SDF4: variants seen among roughly 807,000 people sequenced by gnomAD.
The protein encoded by SDF4 is stromal cell derived factor 4, also known as 45 kDa calcium-binding protein.
A neutral mutation model predicts 34.2 loss-of-function variants in SDF4; 22 were observed. The ratio of observed to expected loss-of-function variants is 0.64; its 90% CI spans 0.46 to 0.92. The LOEUF (loss-of-function observed/expected upper bound fraction) is 0.92, where lower values mean the gene tolerates loss of function less well. Among genes scored for constraint, SDF4 ranks in the 40% least tolerant of loss-of-function variants. The pLI is 0.00. For missense variants in SDF4, 447 were observed against 499.9 expected, an observed-to-expected ratio of 0.89 and a Z score of 1.01; for synonymous variants, 236 against 203.1, an observed-to-expected ratio of 1.16 and a Z score of -1.38.
Position 1,228,164 on chromosome 1 carries a change from G to A in SDF4, c.305+304C>T, listed in dbSNP as rs141248892. On this transcript the variant is annotated intron_variant, in intron 2 of 6. Coordinates refer to ENST00000360001, the MANE Select transcript of SDF4 (RefSeq NM_016176.6). Reference sequence around the variant, plus strand: ...CCGGCGTCTGCCCCTCAGCATGGAGGACGCTGACCACTGCAGTGCCGCGTG... The same window carrying A: ...CCGGCGTCTGCCCCTCAGCATGGAGAACGCTGACCACTGCAGTGCCGCGTG... Among the ~76,000 whole-genome samples the A allele has an allele frequency of 3.7e-3, 557 of 152,360 alleles. 1 individual carries two copies. Among genetic ancestry groups the A allele is most frequent in the Non-Finnish European group, 6.1e-3 (416 of 68,024 alleles).
At chr1:1,219,308 C>T (rs1284618602) in intron 4 of SDF4, 17 of 1,157,638 alleles carry the variant, frequency 1.5e-5, no homozygotes, top group South Asian at 1.7e-5. Context: ...GCCCAGACCT[C>T]TCAAGACATG....
At chr1:1,221,610 C>T (rs1208816693) in intron 4 of SDF4, among the ~76,000 whole-genome samples, 2 of 151,666 alleles carry the variant, frequency 1.3e-5, no homozygotes, top group African/African-American at 4.8e-5. Flanking sequence ...TGCACTCCAG[C>T]CTGGGCAACA....
intron 2 of SDF4, 114 bp downstream of exon 2, chr1:1,228,354 C>T: frequency 8.3e-7 from 1 of 1,205,246 alleles, no homozygotes; most frequent in Non-Finnish European, 1.1e-6. Flanking sequence ...GTCTTCCCAG[C>T]CCGGCAGGTC....
At position 1,229,078 on chromosome 1, in the gene SDF4, C is replaced by T. The variant is rs921234386; in HGVS notation, c.-174-132G>A. On this transcript the variant is annotated intron_variant, in intron 1 of 6. Coordinates refer to ENST00000360001, the MANE Select transcript of SDF4 (RefSeq NM_016176.6). ...GTGGCATCGCCTTCTCCAGACCACA[C>T]GTGGCACTGCCTTCTCCAGACCACA... The T allele has an allele frequency of 2.1e-4, 83 of 399,506 alleles. 1 individual carries two copies. Among genetic ancestry groups the T allele is most frequent in the Non-Finnish European group, 3.0e-4 (69 of 229,584 alleles). The allele number at this position is 399,506 out of a possible 1,614,324, so 24.7% of individuals were successfully genotyped here.
In SDF4 at chr1:1,223,286, CG is replaced by C. The variant is rs751174369; in HGVS notation, c.513del (p.Asp172ThrfsTer22). On this transcript the variant is annotated frameshift_variant, in exon 4 of 7. Coordinates refer to ENST00000360001, the MANE Select transcript of SDF4 (RefSeq NM_016176.6). LOFTEE classifies it high-confidence loss of function. ...ASKGHSEKEV[A>X]DAIRLNEELK... ...AGTTCCTCGTTGAGCCTGATGGCGT[CG>C]GCAACCTCCTTCTCGCTATGGCCTT... 6.2e-7 allele frequency: 1 copy of C among 1,614,114 alleles called. No homozygotes were observed. The highest frequency in any genetic ancestry group is 8.5e-7 in the Non-Finnish European group (1 of 1,180,014).
At chr1:1,220,899 G>A (rs575681118) in intron 4 of SDF4, 36 of 496,688 alleles carry the variant, frequency 7.2e-5, no homozygotes, top group Non-Finnish European at 8.1e-5. Flanking sequence ...CGGGACCGGG[G>A]TGGAGGCACG....
chr1:1,224,637 C>T lies in SDF4; in HGVS notation c.306-669G>A, dbSNP rs147535753. Among the ~76,000 whole-genome samples, 278 of 152,294 alleles carry T rather than the reference C, an allele frequency of 1.8e-3. 1 individual carries two copies. Among genetic ancestry groups the T allele is most frequent in the Non-Finnish European group, 2.5e-3 (169 of 68,028 alleles). The stretch of plus-strand genomic sequence containing the variant: ...CACAAAAACCTTCATATAGGCAGGA[C>T]GCAGTGGCCACACCTATAATCCCAG... On this transcript the variant is annotated intron_variant, in intron 2 of 6. Transcript: ENST00000360001.
At chr1:1,224,932 T>C (rs1364230361) in intron 2 of SDF4, among the ~76,000 whole-genome samples, 1 of 151,956 alleles carries the variant, frequency 6.6e-6, no homozygotes, top group Admixed American at 6.6e-5. Flanking sequence ...CAAAACAAAA[T>C]CCTTCATATA....
chr1:1,220,159 G>A, intron 4 of SDF4: 1 of 988,724 alleles, frequency 1.0e-6, no homozygotes, highest in Non-Finnish European at 1.2e-6. Flanking sequence ...ACCTCAGGCT[G>A]GTGAAGAAGC....
intron 2 of SDF4, among the ~76,000 whole-genome samples, chr1:1,225,716 C>T (rs913706740): frequency 3.3e-5 from 5 of 152,016 alleles, no homozygotes; most frequent in Non-Finnish European, 7.4e-5. Flanking sequence ...CCACACGCTC[C>T]ACACGCCACA....
rs1160033352 is a variant in SDF4, at chr1:1,220,428, G to C, written c.557-1501C>G. 3 of 1,181,370 alleles carry C rather than the reference G, an allele frequency of 2.5e-6. No individual in the cohort carries two copies. In the Admixed American group the frequency reaches 1.1e-4, roughly 43 times the overall value. 73.2% of individuals were successfully genotyped at this position (1,181,370 alleles called of 1,614,324 possible). ...CGGTGACCCTCGCAGGAGCCATGCA[G>C]GGAGGGGTGGGAGGTCGCAGGAGTG... On this transcript the variant is annotated intron_variant, in intron 4 of 6. Transcript: ENST00000360001.
rs148002594 is a variant in SDF4 at position 1,223,850 on chromosome 1, C to T, written c.424G>A (p.Val142Met). The change falls in exon 3 of 7, where the codon GTG becomes ATG. Residue 142 changes from valine (V) to methionine (M), a missense_variant. By Grantham distance (21) the Val-to-Met change is conservative. Transcript: ENST00000360001. ...MEESKTHFRAVDPDGDGHVSW... is the reference protein window; with the variant it reads ...MEESKTHFRAMDPDGDGHVSW... ...ACAGTACCGTCCCCGTCAGGGTCCA[C>T]GGCGCGGAAGTGTGTCTTGCTCTCC... 42 of 1,600,960 alleles carry T rather than the reference C, an allele frequency of 2.6e-5. No individual in the cohort carries two copies. The highest frequency in any genetic ancestry group is 6.7e-5 in the East Asian group (3 of 44,712).
rs199694423 is a variant in SDF4 at position 1,218,893 on chromosome 1, C to G, written c.591G>C (p.Trp197Cys). The G allele has an allele frequency of 6.3e-7, 1 of 1,599,398 alleles. No homozygotes were observed. Among genetic ancestry groups the G allele is most frequent in the Non-Finnish European group, 8.5e-7 (1 of 1,170,726 alleles). The change falls in exon 5 of 7, where the codon TGG (tryptophan) becomes TGC (cysteine). Residue 197 changes from tryptophan (W) to cysteine (C), a missense_variant. Coordinates refer to ENST00000360001, the MANE Select transcript of SDF4 (RefSeq NM_016176.6). This position sits in a 1 kb window ranked among gnomAD's most constrained non-coding sequence, Gnocchi z 7.9. ...CTGCAGGGGGGCTGTCCGCCTGGTACCAGCGGTCCTTCAGGTTCTCCAGGA... is the reference window on the plus strand; with the variant it reads ...CTGCAGGGGGGCTGTCCGCCTGGTAGCAGCGGTCCTTCAGGTTCTCCAGGA... The part of the protein sequence containing the change: ...QEVLENLKDR[W>C]YQADSPPADL...
intron 2 of SDF4, among the ~76,000 whole-genome samples, chr1:1,225,703 AGGCCACACGCTCCACACGCCACAGACACG>A (rs1221081113): frequency 2.6e-5 from 4 of 151,184 alleles, no homozygotes; most frequent in East Asian, 1.9e-4. Flanking sequence ...CCACAGACAC[AGGCCACACGCTCCACACGCCACAGACACG>A]GGCCACACAC....
At chr1:1,219,585 C>T (rs911062744) in intron 4 of SDF4, 2 of 987,384 alleles carry the variant, frequency 2.0e-6, no homozygotes, top group African/African-American at 3.5e-5. Context: ...CAGAGCTTCC[C>T]AGGAACCCTC....
chr1:1,218,703 C>T lies in SDF4; in HGVS notation c.715+66G>A, dbSNP rs148403132. The T allele has an allele frequency of 9.9e-6, 16 of 1,611,226 alleles. No individual in the cohort carries two copies. Among genetic ancestry groups the T allele is most frequent in the South Asian group, 5.5e-5 (5 of 90,988 alleles). On this transcript the variant is annotated intron_variant, in intron 5 of 6. Coordinates refer to ENST00000360001, the MANE Select transcript of SDF4 (RefSeq NM_016176.6). The surrounding 1 kb of genome is among the most constrained non-coding windows in gnomAD (Gnocchi z 7.9). ...CGCAGGACCTGCCCCGACCTCCCGA[C>T]GATGCCCGGCCCCTGCCAGTCGGTC...
intron 4 of SDF4, chr1:1,220,414 G>A (rs780452369): frequency 7.3e-5 from 86 of 1,175,278 alleles, no homozygotes; most frequent in Admixed American, 3.3e-4. Context: ...GGTGACCCTC[G>A]CAGGAGCCAT....
rs746102665 is a variant in SDF4, at chr1:1,223,303, C to A, written c.497G>T (p.Ser166Ile). 1.6e-5 allele frequency: 26 copies of A among 1,613,992 alleles called. No individual in the cohort carries two copies. The highest frequency in any genetic ancestry group is 8.5e-7 in the Non-Finnish European group (1 of 1,180,020). ...GATGGCGTCGGCAACCTCCTTCTCGCTATGGCCTTTACTCGCCAAAAACTT... is the reference window on the plus strand; with the variant it reads ...GATGGCGTCGGCAACCTCCTTCTCGATATGGCCTTTACTCGCCAAAAACTT... ...KVKFLASKGH[S>I]EKEVADAIRL... Residue 166 changes from serine (S) to isoleucine (I), a missense_variant, in exon 4 of 7, where the codon AGC becomes ATC. Physicochemically the swap from Ser to Ile is moderately radical, Grantham distance 142. Coordinates refer to ENST00000360001, the MANE Select transcript of SDF4 (RefSeq NM_016176.6).
rs1649710250 is a variant in SDF4 at position 1,218,879 on chromosome 1, C to A, written c.605G>T (p.Ser202Ile). ...NLKDRWYQADSPPADLLLTEE... is the reference protein window; with the variant it reads ...NLKDRWYQADIPPADLLLTEE... ...CGTCAGCAGCAGGTCTGCAGGGGGG[C>A]TGTCCGCCTGGTACCAGCGGTCCTT... The change falls in exon 5 of 7, where the codon AGC (serine) becomes ATC (isoleucine). Residue 202 changes from serine to isoleucine, a missense_variant. Ser to Ile is a moderately radical substitution (Grantham distance 142). Coordinates refer to ENST00000360001, the MANE Select transcript of SDF4 (RefSeq NM_016176.6). This position sits in a 1 kb window ranked among gnomAD's most constrained non-coding sequence, Gnocchi z 7.9. 6.3e-7 allele frequency: 1 copy of A among 1,597,518 alleles called. No homozygotes were observed. Among genetic ancestry groups the A allele is most frequent in the African/African-American group, 1.3e-5 (1 of 74,666 alleles).
Sources: allele counts gnomAD v4.1 joint callset (sites outside exome capture counted in the v4.1 genomes callset), GRCh38; gene constraint gnomAD v4.1.1; non-coding constraint Gnocchi (gnomAD v3.1); transcripts MANE v1.5; gene names NCBI Gene and HGNC (gene_info 2026-07-23, HGNC 2026-07-21).